Variants in TOB2 observed in about 807,000 individuals in gnomAD.
TOB2 encodes protein Tob2.
Under a neutral mutation model 17.3 loss-of-function variants are expected in TOB2, and 3 were observed. That is an observed-to-expected ratio of 0.17 (90% CI 0.08 to 0.45). The LOEUF is 0.45. TOB2 is among the 20% of genes least tolerant of loss of function. TOB2 has a pLI of 0.99. For synonymous variants in TOB2, 163 were observed against 185.6 expected, an observed-to-expected ratio of 0.88 and a Z score of 0.99; for missense variants, 407 against 445.7, an observed-to-expected ratio of 0.91 and a Z score of 0.78.
In TOB2 at chr22:41,436,418, T is replaced by G; in HGVS notation, c.928A>C (p.Asn310His). 1 of 1,614,182 alleles carries G rather than the reference T, an allele frequency of 6.2e-7. No homozygotes were observed. The highest frequency in any genetic ancestry group is 8.5e-7 in the Non-Finnish European group (1 of 1,180,004). The change falls in exon 2 of 2, where the codon AAC becomes CAC. Residue 310 changes from asparagine to histidine, a missense_variant. Coordinates refer to ENST00000327492, the MANE Select transcript of TOB2 (RefSeq NM_016272.4). This position sits in a 1 kb window ranked among gnomAD's most constrained non-coding sequence, Gnocchi z 4.8. ...DMAQVFGGGA[N>H]SLFLEKTPFV... is the part of the protein sequence containing the mutation. The stretch of plus-strand genomic sequence containing the variant: ...GGTGTCTTCTCCAGGAAGAGGCTGT[T>G]GGCACCACCTCCAAATACCTGGGCC...
intron 1 of TOB2, among the ~76,000 whole-genome samples, chr22:41,445,917 AT>A (rs2037679743): frequency 6.6e-6 from 1 of 152,194 alleles, no homozygotes; most frequent in Non-Finnish European, 1.5e-5. Context: ...AGAGCCAGAA[AT>A]AGAGTCTATT....
Position 41,443,476 on chromosome 22 carries a change from C to T in TOB2, c.-63+2903G>A, listed in dbSNP as rs945785851. ...CTGGGATTATAGGCACGCGGGACCA[C>T]GCCCGGCTAATTTTTGTATTTTTAG... On this transcript the variant is annotated intron_variant, in intron 1 of 1. Transcript: ENST00000327492. 6.6e-5 allele frequency among the ~76,000 whole-genome samples: 10 copies of T among 151,918 alleles called. 1 individual carries two copies. The highest frequency in any genetic ancestry group is 4.2e-4 in the South Asian group (2 of 4,804).
intron 1 of TOB2, among the ~76,000 whole-genome samples, chr22:41,438,133 G>A (rs972200478): frequency 1.3e-5 from 2 of 151,942 alleles, no homozygotes; most frequent in Admixed American, 1.3e-4. Context: ...TGGTGAAGTC[G>A]TGCCCCCAAA....
At position 41,446,705 on chromosome 22, in the gene TOB2, C is replaced by T; in HGVS notation, c.-389G>A. 6.6e-6 allele frequency: 1 copy of T among 151,152 alleles called. No individual in the cohort carries two copies. Among genetic ancestry groups the T allele is most frequent in the East Asian group, 1.9e-4 (1 of 5,174 alleles). 9.4% of individuals were successfully genotyped at this position (151,152 alleles called of 1,614,324 possible). On this transcript the variant is annotated 5_prime_UTR_variant, in exon 1 of 2. Coordinates refer to ENST00000327492, the MANE Select transcript of TOB2 (RefSeq NM_016272.4). ...AACGGCAGACGGTATGGGCTGTCGCCGGCAGACGGTCCTGCCCTCCTGGCC... is the reference window on the plus strand; with the variant it reads ...AACGGCAGACGGTATGGGCTGTCGCTGGCAGACGGTCCTGCCCTCCTGGCC...
intron 1 of TOB2, 78 bp from the exon 2 acceptor site, chr22:41,437,485 C>T (rs560958078): frequency 2.1e-6 from 3 of 1,455,006 alleles, no homozygotes; most frequent in South Asian, 1.5e-5. Flanking sequence ...CAGAAAAGCA[C>T]CAACTTTGGA....
chr22:41,434,574 G>C lies in TOB2; in HGVS notation c.*1737C>G, dbSNP rs1477970247. On this transcript the variant is annotated 3_prime_UTR_variant, in exon 2 of 2. Coordinates refer to ENST00000327492, the MANE Select transcript of TOB2 (RefSeq NM_016272.4). The stretch of plus-strand genomic sequence containing the variant: ...GTAGAGCTGGTGCCTACTGCAGGGA[G>C]AGGAGGCTGGCAGTGCTGGCCTGGG... 2 of 153,212 alleles carry C rather than the reference G, an allele frequency of 1.3e-5. No individual in the cohort carries two copies. Among genetic ancestry groups the C allele is most frequent in the Non-Finnish European group, 2.9e-5 (2 of 68,554 alleles). The allele number at this position is 153,212 out of a possible 1,614,324, so 9.5% of individuals were successfully genotyped here. A position where few individuals can be genotyped will look rare whatever the true frequency, so the allele number is the denominator to read the frequency against.
intron 1 of TOB2, among the ~76,000 whole-genome samples, chr22:41,444,402 C>T (rs571718276): frequency 1.3e-5 from 2 of 152,072 alleles, no homozygotes; most frequent in African/African-American, 4.8e-5. Context: ...TCCTCAGGAG[C>T]TAGGAAAACT....
intron 1 of TOB2, among the ~76,000 whole-genome samples, chr22:41,444,626 A>G (rs558731180): frequency 4.6e-5 from 7 of 152,324 alleles, no homozygotes; most frequent in Non-Finnish European, 8.8e-5. Context: ...GAGCCCAGGA[A>G]AAGTTTCCGA....
At chr22:41,438,320 G>C (rs2146031694) in intron 1 of TOB2, among the ~76,000 whole-genome samples, 1 of 152,186 alleles carries the variant, frequency 6.6e-6, no homozygotes, top group Non-Finnish European at 1.5e-5. Context: ...GTTCAGTCCA[G>C]GTTTGCAGAA....
chr22:41,444,115 G>T (rs918945967), intron 1 of TOB2, among the ~76,000 whole-genome samples: 2 of 152,170 alleles, frequency 1.3e-5, no homozygotes, highest in Non-Finnish European at 2.9e-5. Context: ...CACAGACCGG[G>T]TGGATGCGAG....
intron 1 of TOB2, among the ~76,000 whole-genome samples, chr22:41,441,519 C>T (rs1352520068): frequency 6.6e-6 from 1 of 152,064 alleles, no homozygotes; most frequent in Non-Finnish European, 1.5e-5. Flanking sequence ...TGGCTCACAC[C>T]TGTAATCCCA....
At chr22:41,443,257 G>GGT (rs142419692) in intron 1 of TOB2, among the ~76,000 whole-genome samples, 16 of 152,054 alleles carry the variant, frequency 1.1e-4, no homozygotes, top group Admixed American at 2.0e-4. Flanking sequence ...ATGTGAGGAA[G>GGT]GTGTGTGTGT....
intron 1 of TOB2, among the ~76,000 whole-genome samples, chr22:41,438,068 A>G (rs1296969942): frequency 6.6e-6 from 1 of 152,182 alleles, no homozygotes; most frequent in East Asian, 1.9e-4. Context: ...ACACTAAAAA[A>G]ATCAAGTCCC....
chr22:41,440,471 G>C (rs73887707), intron 1 of TOB2, among the ~76,000 whole-genome samples: 1,768 of 151,194 alleles, frequency 0.012, 37 homozygotes, highest in African/African-American at 0.041. Context: ...TAGGGTGCAG[G>C]ATCACAGCTC....
intron 1 of TOB2, among the ~76,000 whole-genome samples, chr22:41,440,201 T>A (rs2037599386): frequency 6.6e-6 from 1 of 151,164 alleles, no homozygotes; most frequent in Non-Finnish European, 1.5e-5. Flanking sequence ...CACTGCAACC[T>A]CTGCCTCCCC....
chr22:41,439,546 C>T (rs1441660260), intron 1 of TOB2, among the ~76,000 whole-genome samples: 2 of 151,996 alleles, frequency 1.3e-5, no homozygotes, highest in Admixed American at 1.3e-4. Flanking sequence ...GACTGAGTCT[C>T]GTTCTATCGC....
intron 1 of TOB2, among the ~76,000 whole-genome samples, chr22:41,443,984 T>C (rs1414243264): frequency 1.3e-5 from 2 of 152,188 alleles, no homozygotes; most frequent in Non-Finnish European, 2.9e-5. Flanking sequence ...ATAATGGTGA[T>C]GGAATCCACT....
chr22:41,443,092 C>T (rs1390237879), intron 1 of TOB2, among the ~76,000 whole-genome samples: 3 of 152,168 alleles, frequency 2.0e-5, no homozygotes, highest in Non-Finnish European at 2.9e-5. Context: ...TTGTTTACTT[C>T]CAGCAGCAAA....
At position 41,433,719 on chromosome 22, in the gene TOB2, T is replaced by G. The variant is rs2037511787; in HGVS notation, c.*2592A>C. On this transcript the variant is annotated 3_prime_UTR_variant, in exon 2 of 2. Transcript: ENST00000327492. ...CTGCTCCCCGGGCTCCTCTCCAGGC[T>G]TGCCTCAATGCCCCCTTCCCATCCC... 2.0e-6 allele frequency: 1 copy of G among 495,746 alleles called. No individual in the cohort carries two copies. 30.7% of individuals were successfully genotyped at this position (495,746 alleles called of 1,614,324 possible). A position where few individuals can be genotyped will look rare whatever the true frequency, so the allele number is the denominator to read the frequency against.
Sources: allele counts gnomAD v4.1 joint callset (sites outside exome capture counted in the v4.1 genomes callset), GRCh38; gene constraint gnomAD v4.1.1; non-coding constraint Gnocchi (gnomAD v3.1); transcripts MANE v1.5; gene names NCBI Gene and HGNC (gene_info 2026-07-23, HGNC 2026-07-21).